PIK3C2B: variants seen among roughly 807,000 people sequenced by gnomAD.
The protein encoded by PIK3C2B is phosphatidylinositol 4-phosphate 3-kinase C2 domain-containing subunit beta.
A neutral mutation model predicts 184.3 loss-of-function variants in PIK3C2B; 83 were observed. The observed-to-expected ratio is 0.45, with a 90% CI of 0.38 to 0.54. The LOEUF is 0.54. Ranked by LOEUF, PIK3C2B falls within the 20% of genes least tolerant of loss-of-function variation. PIK3C2B has a pLI of 0.00. For synonymous variants in PIK3C2B, 779 were observed against 837.6 expected (o/e 0.93, Z 1.21); for missense variants, 1,736 against 2,113.5 (o/e 0.82, Z 3.50).
intron 2 of PIK3C2B, among the ~76,000 whole-genome samples, chr1:204,465,814 G>T (rs1655718059): frequency 6.6e-6 from 1 of 152,236 alleles, no homozygotes; most frequent in Non-Finnish European, 1.5e-5. Context: ...CCAAAGCAGA[G>T]AGAGACCCAG....
At chr1:204,434,072 C>T (rs1675215609) in intron 24 of PIK3C2B, 123 bp from the exon 25 acceptor site, 8 of 755,800 alleles carry the variant, frequency 1.1e-5, no homozygotes, top group Non-Finnish European at 1.8e-5. Flanking sequence ...AGAAGGGGCT[C>T]TAACTTTTTT....
intron 29 of PIK3C2B, among the ~76,000 whole-genome samples, chr1:204,429,431 G>A (rs1370660111): frequency 6.6e-6 from 1 of 152,138 alleles, no homozygotes; most frequent in Non-Finnish European, 1.5e-5. Flanking sequence ...TTATACTTAA[G>A]CTATAACCAC....
chr1:204,427,890 ATG>A, intron 30 of PIK3C2B, 136 bp from the exon 31 acceptor site: 1 of 678,764 alleles, frequency 1.5e-6, no homozygotes. Context: ...TGTAGTCTGA[ATG>A]TGATTAGAGT....
At chr1:204,472,470 G>A (rs997585545) in intron 1 of PIK3C2B, among the ~76,000 whole-genome samples, 12 of 151,628 alleles carry the variant, frequency 7.9e-5, no homozygotes, top group African/African-American at 2.9e-4. Flanking sequence ...GCCCGACTGG[G>A]GGAAGTTTTA....
At chr1:204,491,971 C>T (rs1405583613) in intron 1 of PIK3C2B, among the ~76,000 whole-genome samples, 1 of 152,190 alleles carries the variant, frequency 6.6e-6, no homozygotes, top group Non-Finnish European at 1.5e-5. Context: ...ATCCTGCCAA[C>T]ACTATTTAAA....
At chr1:204,452,096 G>A (rs1654409320) in intron 12 of PIK3C2B, among the ~76,000 whole-genome samples, 1 of 152,172 alleles carries the variant, frequency 6.6e-6, no homozygotes, top group Admixed American at 6.5e-5. Flanking sequence ...TGGATGGACA[G>A]TGCAAGATAG....
chr1:204,424,435 C>A lies in PIK3C2B; in HGVS notation c.*417G>T, dbSNP rs539428988. On this transcript the variant is annotated 3_prime_UTR_variant, in exon 33 of 33. Coordinates refer to ENST00000684373, the MANE Select transcript of PIK3C2B (RefSeq NM_001377334.1). ...TTGCCTTCTGGGGCATAGGTACGTC[C>A]CTTCTCGCAAGGCTTCCTGTCCCAG... The A allele has an allele frequency of 2.2e-4, 74 of 338,772 alleles. No homozygotes were observed. Among genetic ancestry groups the A allele is most frequent in the Admixed American group, 1.2e-3 (31 of 26,330 alleles). The allele number at this position is 338,772 out of a possible 1,614,324, so 21.0% of individuals were successfully genotyped here. A position where few individuals can be genotyped will look rare whatever the true frequency, so the allele number is the denominator to read the frequency against.
chr1:204,485,256 A>C (rs1191040151), intron 1 of PIK3C2B, among the ~76,000 whole-genome samples: 1 of 151,952 alleles, frequency 6.6e-6, no homozygotes, highest in Non-Finnish European at 1.5e-5. Context: ...GAAATCCCCC[A>C]GCCTTCCTGT....
rs760747356 is a variant in PIK3C2B at position 204,469,783 on chromosome 1, T to G, written c.20A>C (p.Asn7Thr). MSSTQG[N>T]GEHWKSLESV... The stretch of plus-strand genomic sequence containing the variant: ...CTCCAGGGACTTCCAGTGTTCCCCA[T>G]TGCCCTGAGTCGAAGACATGGTGAG... The change falls in exon 2 of 33, where the codon AAT (asparagine) becomes ACT (threonine). Residue 7 changes from asparagine (N) to threonine (T), a missense_variant. Asn to Thr is a moderately conservative substitution (Grantham distance 65). Transcript: ENST00000684373. 6.2e-7 allele frequency: 1 copy of G among 1,613,622 alleles called. No homozygotes were observed. The highest frequency in any genetic ancestry group is 8.5e-7 in the Non-Finnish European group (1 of 1,179,614).
At chr1:204,431,352 T>C in intron 28 of PIK3C2B, 2 of 370,300 alleles carry the variant, frequency 5.4e-6, no homozygotes, top group Non-Finnish European at 5.1e-6. Context: ...AATATCCCAC[T>C]GTATGTACAT....
At chr1:204,443,623 C>T (rs747363865) in intron 18 of PIK3C2B, 26 bp from the exon 19 acceptor site, 50 of 1,604,456 alleles carry the variant, frequency 3.1e-5, no homozygotes, top group Non-Finnish European at 3.6e-5. Context: ...AGTCAGGAGT[C>T]AGGGCACTCC....
Position 204,434,537 on chromosome 1 carries a change from T to C in PIK3C2B, c.3588A>G (p.Arg1196=). The change falls in exon 24 of 33, where the codon CGA becomes CGG. Residue 1196 remains arginine, a synonymous_variant. Transcript: ENST00000684373. ...TCTTCAGCATGATGTTGTCATTATG[T>C]CGGTCACAGATGCCCAAGACGTACG... is the stretch of plus-strand genomic sequence containing the variant. The part of the protein sequence containing the change: ...VATYVLGICD[R]HNDNIMLKTT... 1 of 1,614,188 alleles carries C rather than the reference T, an allele frequency of 6.2e-7. No individual in the cohort carries two copies. The highest frequency in any genetic ancestry group is 8.5e-7 in the Non-Finnish European group (1 of 1,180,004).
At chr1:204,461,186 C>T (rs1036147948) in intron 5 of PIK3C2B, among the ~76,000 whole-genome samples, 2 of 152,182 alleles carry the variant, frequency 1.3e-5, no homozygotes, top group African/African-American at 4.8e-5. Flanking sequence ...ATCAGTGTCC[C>T]CACCCAACTT....
chr1:204,456,333 T>C (rs3014599), intron 10 of PIK3C2B: 208,663 of 293,942 alleles, frequency 0.71, 78,527 homozygotes, highest in Non-Finnish European at 0.81. Flanking sequence ...TAGGAAACAG[T>C]GTTAATAATT....
rs770890986 is a variant in PIK3C2B, at chr1:204,469,128, A to G, written c.675T>C (p.Ser225=). 1 of 1,614,190 alleles carries G rather than the reference A, an allele frequency of 6.2e-7. No homozygotes were observed. The highest frequency in any genetic ancestry group is 1.7e-5 in the Admixed American group (1 of 60,018). Residue 225 remains serine (S), a synonymous_variant, in exon 2 of 33, where the codon TCT becomes TCC. Coordinates refer to ENST00000684373, the MANE Select transcript of PIK3C2B (RefSeq NM_001377334.1). The stretch of plus-strand genomic sequence containing the variant: ...CATCATTGATACCATCATAGTCCAC[A>G]GACCCCAGTAGGCGCCCCTGACCCC... ...GGGGQGRLLG[S]VDYDGINDAI...
intron 1 of PIK3C2B, among the ~76,000 whole-genome samples, chr1:204,487,492 T>C (rs1657689097): frequency 6.6e-6 from 1 of 152,188 alleles, no homozygotes; most frequent in Non-Finnish European, 1.5e-5. Context: ...ACAGAACTGT[T>C]AATACTGTGT....
chr1:204,455,879 G>A lies in PIK3C2B; in HGVS notation c.1920C>T (p.Arg640=). The A allele has an allele frequency of 6.2e-7, 1 of 1,613,140 alleles. No homozygotes were observed. Among genetic ancestry groups the A allele is most frequent in the Non-Finnish European group, 8.5e-7 (1 of 1,179,394 alleles). The part of the protein sequence containing the change: ...SLAFTVYATH[R]IPIIWATSYE... ...ACCTGGTAGCCCAGATGATGGGGAT[G>A]CGGTGGGTGGCATAGACAGTGAAGG... is the stretch of plus-strand genomic sequence containing the variant. Residue 640 remains arginine, a synonymous_variant, in exon 11 of 33, where the codon CGC becomes CGT. Coordinates refer to ENST00000684373, the MANE Select transcript of PIK3C2B (RefSeq NM_001377334.1).
Position 204,454,685 on chromosome 1 carries a change from T to C in PIK3C2B, c.2050A>G (p.Ile684Val). 3.7e-6 allele frequency: 6 copies of C among 1,612,462 alleles called. No individual in the cohort carries two copies. Among genetic ancestry groups the C allele is most frequent in the Non-Finnish European group, 5.1e-6 (6 of 1,179,748 alleles). The change falls in exon 12 of 33, where the codon ATC becomes GTC. Residue 684 changes from isoleucine (I) to valine (V), a missense_variant. By Grantham distance (29) the Ile-to-Val change is conservative. Around this residue, in one of 8 missense-constraint regions of PIK3C2B, gnomAD observed 609 missense variants for 699.2 expected, o/e 0.87. Transcript: ENST00000684373. Reference sequence around the variant, plus strand: ...AGGGCTTACTGCTGGTCCCAGACGATGAGGTGGAAGAGGTACTTGGAGAAG... The same window carrying C: ...AGGGCTTACTGCTGGTCCCAGACGACGAGGTGGAAGAGGTACTTGGAGAAG... ...AHFSKYLFHL[I>V]VWDQQICFPV...
chr1:204,467,128 C>G, intron 2 of PIK3C2B: 1 of 357,414 alleles, frequency 2.8e-6, no homozygotes, highest in South Asian at 2.1e-5. Context: ...ACTCTGATGA[C>G]ATGCAGGGGA....
Sources: allele counts gnomAD v4.1 joint callset (sites outside exome capture counted in the v4.1 genomes callset), GRCh38; gene constraint gnomAD v4.1.1; regional missense constraint gnomAD v4.1.1; transcripts MANE v1.5; gene names NCBI Gene and HGNC (gene_info 2026-07-23, HGNC 2026-07-21).